The following CDKAL1 variants were observed in gnomAD, a reference collection of about 807,000 sequenced individuals.
The protein encoded by CDKAL1 is threonylcarbamoyladenosine tRNA methylthiotransferase.
In CDKAL1, 32 loss-of-function variants were observed where a neutral mutation model predicts 68.2. The ratio of observed to expected loss-of-function variants is 0.47; its 90% CI spans 0.35 to 0.63. The LOEUF (loss-of-function observed/expected upper bound fraction) is 0.63. CDKAL1 is among the 30% of genes least tolerant of loss of function. The pLI, the probability that CDKAL1 is intolerant of heterozygous loss-of-function variation, is 0.00. For synonymous variants in CDKAL1, 234 were observed against 244.3 expected (o/e 0.96, Z 0.39); for missense variants, 606 against 696.7 (o/e 0.87, Z 1.47).
chr6:20,727,283 C>T (rs1006968960), intron 5 of CDKAL1, among the ~76,000 whole-genome samples: 4 of 152,072 alleles, frequency 2.6e-5, no homozygotes, highest in Non-Finnish European at 5.9e-5. Flanking sequence ...CTCTTAGGCT[C>T]AGTAGCTGGG....
Position 21,069,770 on chromosome 6 carries a change from C to CTTTTTTTTTTTTTTTTTTTTTTTTT in CDKAL1, c.1236+4545_1236+4546insTTTTTTTTTTTTTTTTTTTTTTTTT, listed in dbSNP as rs1771654458. On this transcript the variant is annotated intron_variant, in intron 12 of 15. Coordinates refer to ENST00000274695, the MANE Select transcript of CDKAL1 (RefSeq NM_017774.3). ...TGCCCAATAAAATCCCCCAGATTTTCTTTCTTTTTTTTTTTTTTTTTTTTT... is the reference window on the plus strand; with the variant it reads ...TGCCCAATAAAATCCCCCAGATTTTCTTTTTTTTTTTTTTTTTTTTTTTTTTTTCTTTTTTTTTTTTTTTTTTTTT... Among the ~76,000 whole-genome samples the CTTTTTTTTTTTTTTTTTTTTTTTTT allele has an allele frequency of 1.2e-4, 5 of 42,254 alleles. 2 individuals are homozygous for CTTTTTTTTTTTTTTTTTTTTTTTTT. Among genetic ancestry groups the CTTTTTTTTTTTTTTTTTTTTTTTTT allele is most frequent in the Non-Finnish European group, 1.2e-4 (2 of 17,372 alleles). 27.7% of individuals were successfully genotyped at this position (42,254 alleles called of 152,430 possible).
At chr6:21,115,101 G>A (rs1774341855) in intron 13 of CDKAL1, among the ~76,000 whole-genome samples, 1 of 152,170 alleles carries the variant, frequency 6.6e-6, no homozygotes, top group African/African-American at 2.4e-5. Flanking sequence ...GTGACATCAA[G>A]TTTCTTAAAT....
intron 15 of CDKAL1, among the ~76,000 whole-genome samples, chr6:21,230,322 C>A (rs776765243): frequency 6.6e-6 from 1 of 152,146 alleles, no homozygotes; most frequent in Non-Finnish European, 1.5e-5. Flanking sequence ...CCACCACACC[C>A]AGCTAATTTT....
intron 15 of CDKAL1, among the ~76,000 whole-genome samples, chr6:21,214,463 C>T (rs1276607168): frequency 2.0e-5 from 3 of 151,966 alleles, no homozygotes; most frequent in Non-Finnish European, 4.4e-5. Flanking sequence ...GAACACTGGC[C>T]TCCATGCTGC....
intron 13 of CDKAL1, among the ~76,000 whole-genome samples, chr6:21,130,848 G>C (rs1226366396): frequency 6.6e-6 from 1 of 152,186 alleles, no homozygotes; most frequent in Admixed American, 6.5e-5. Flanking sequence ...CAGCAAGGTA[G>C]TGAGAAGAAG....
intron 8 of CDKAL1, among the ~76,000 whole-genome samples, chr6:20,798,917 C>CAAAA (rs200034795): frequency 3.1e-4 from 32 of 103,138 alleles, no homozygotes; most frequent in East Asian, 5.0e-4. Context: ...TATAATAATA[C>CAAAA]AAAAAAAAAA....
intron 13 of CDKAL1, among the ~76,000 whole-genome samples, chr6:21,180,943 A>C (rs189858154): frequency 3.9e-4 from 59 of 152,264 alleles, no homozygotes; most frequent in African/African-American, 1.1e-3. Context: ...AAATAAATTT[A>C]TTTCTCACAG....
intron 4 of CDKAL1, among the ~76,000 whole-genome samples, chr6:20,550,613 G>A (rs76277201): frequency 0.17 from 25,102 of 152,026 alleles, 2,459 homozygotes; most frequent in African/African-American, 0.27. Context: ...CGTTGCCACC[G>A]TGAGGTGTCG....
chr6:20,771,678 C>T (rs1451288590), intron 7 of CDKAL1, among the ~76,000 whole-genome samples: 5 of 152,046 alleles, frequency 3.3e-5, no homozygotes, highest in African/African-American at 7.2e-5. Flanking sequence ...GTCATGGGGG[C>T]GGTTCCCTCA....
chr6:21,222,367 G>A lies in CDKAL1; in HGVS notation c.1549-8481G>A, dbSNP rs181441379. Among the ~76,000 whole-genome samples the A allele has an allele frequency of 3.3e-3, 495 of 152,262 alleles. 3 individuals are homozygous for A. Among genetic ancestry groups the A allele is most frequent in the African/African-American group, 0.011 (442 of 41,546 alleles). The stretch of plus-strand genomic sequence containing the variant: ...GAAACAGAAAGGCTGACAGTATTGC[G>A]CTCTAATTGCGTGACTGTGTGACCG... On this transcript the variant is annotated intron_variant, in intron 15 of 15. Coordinates refer to ENST00000274695, the MANE Select transcript of CDKAL1 (RefSeq NM_017774.3).
intron 4 of CDKAL1, among the ~76,000 whole-genome samples, chr6:20,592,427 C>T (rs1359068704): frequency 6.6e-6 from 1 of 150,894 alleles, no homozygotes; most frequent in Non-Finnish European, 1.5e-5. Context: ...TGAGAGAGGG[C>T]ATCCTTGTCT....
chr6:20,588,479 C>T (rs940358029), intron 4 of CDKAL1, among the ~76,000 whole-genome samples: 3 of 152,182 alleles, frequency 2.0e-5, no homozygotes, highest in African/African-American at 7.2e-5. Flanking sequence ...CATGGAACAG[C>T]TTTAAAAATC....
At chr6:20,555,082 A>G (rs1581717720) in intron 4 of CDKAL1, among the ~76,000 whole-genome samples, 1 of 152,204 alleles carries the variant, frequency 6.6e-6, no homozygotes, top group Admixed American at 6.6e-5. Context: ...TCATTTGGCA[A>G]ACATTCTCTG....
chr6:20,587,149 G>A (rs535078001), intron 4 of CDKAL1, among the ~76,000 whole-genome samples: 7 of 151,860 alleles, frequency 4.6e-5, no homozygotes, highest in East Asian at 1.9e-4. Flanking sequence ...ACCACGCCCC[G>A]CTAATTTTTG....
intron 11 of CDKAL1, among the ~76,000 whole-genome samples, chr6:21,056,440 T>G (rs1443773188): frequency 1.3e-5 from 2 of 152,142 alleles, no homozygotes; most frequent in Non-Finnish European, 2.9e-5. Context: ...CGATGGGGTT[T>G]TCTAGATATG....
chr6:20,771,909 C>T (rs1276501007), intron 7 of CDKAL1, among the ~76,000 whole-genome samples: 1 of 152,132 alleles, frequency 6.6e-6, no homozygotes, highest in Non-Finnish European at 1.5e-5. Flanking sequence ...CCTGCAGAAC[C>T]GTGAGCCAAT....
At chr6:20,916,944 G>C (rs1762749412) in intron 9 of CDKAL1, among the ~76,000 whole-genome samples, 1 of 152,006 alleles carries the variant, frequency 6.6e-6, no homozygotes, top group Admixed American at 6.5e-5. Context: ...TGTTACTGAA[G>C]TATTATAAAA....
intron 11 of CDKAL1, among the ~76,000 whole-genome samples, chr6:21,053,123 A>G (rs564048774): frequency 9.8e-5 from 15 of 152,294 alleles, no homozygotes; most frequent in African/African-American, 2.6e-4. Context: ...CTAATGTCCA[A>G]TTGGAGCCAA....
intron 9 of CDKAL1, among the ~76,000 whole-genome samples, chr6:20,953,102 T>C (rs1236155489): frequency 1.3e-5 from 2 of 152,212 alleles, no homozygotes; most frequent in South Asian, 2.1e-4. Context: ...TGCTATTATA[T>C]AGAGTATTTT....
Sources: gnomAD v4.1 joint callset for allele counts (sites outside exome capture counted in the v4.1 genomes callset) on GRCh38, gnomAD v4.1.1 for gene constraint, MANE v1.5 for transcripts, NCBI Gene and HGNC (gene_info 2026-07-23, HGNC 2026-07-21) for gene names.